Variants in ADAM18 observed in about 807,000 individuals in gnomAD.
ADAM18 encodes the protein ADAM metallopeptidase domain 18.
A neutral mutation model predicts 94.4 loss-of-function variants in ADAM18; 117 were observed. That is an observed-to-expected ratio of 1.24 (90% CI 1.07 to 1.45). The LOEUF (loss-of-function observed/expected upper bound fraction) is 1.45. Among genes scored for constraint, ADAM18 ranks in the 40% most tolerant of loss-of-function variants. The probability of loss-of-function intolerance (pLI) is 0.00; values close to 1 mark genes in which losing one functional copy is unlikely to be tolerated. For synonymous variants in ADAM18, 327 were observed against 291.6 expected (o/e 1.12, Z -1.24); for missense variants, 936 against 880.0 (o/e 1.06, Z -0.81).
At position 39,680,208 on chromosome 8, in the gene ADAM18, C is replaced by T; in HGVS notation, c.1803C>T (p.Thr601=). The change falls in exon 16 of 20, where the codon ACC becomes ACT. Residue 601 remains threonine, a synonymous_variant. Coordinates refer to ENST00000265707, the MANE Select transcript of ADAM18 (RefSeq NM_014237.3). The stretch of plus-strand genomic sequence containing the variant: ...ACAATGCCTATGTGGCTGATGGCAC[C>T]ATGTGTGGTCCAGAAATGGTAACAA... ...GTDNAYVADG[T]MCGPEMYCVN... 2 of 1,611,896 alleles carry T rather than the reference C, an allele frequency of 1.2e-6. No individual in the cohort carries two copies. Among genetic ancestry groups the T allele is most frequent in the African/African-American group, 1.3e-5 (1 of 74,888 alleles).
intron 19 of ADAM18, 147 bp downstream of exon 19, chr8:39,724,054 C>A: frequency 1.6e-6 from 1 of 618,694 alleles, no homozygotes; most frequent in South Asian, 5.6e-5. Flanking sequence ...TTTTGTGTTT[C>A]AATAATTTGT....
intron 12 of ADAM18, among the ~76,000 whole-genome samples, chr8:39,657,448 A>C (rs1276513359): frequency 3.9e-5 from 6 of 152,102 alleles, no homozygotes. Flanking sequence ...AGTAGCCAGG[A>C]TTACAGGTGC....
rs1320774255 is a variant in ADAM18 at position 39,668,201 on chromosome 8, T to C, written c.1525+5T>C. On this transcript the variant is annotated splice_donor_5th_base_variant and intron_variant, in intron 14 of 19. Coordinates refer to ENST00000265707, the MANE Select transcript of ADAM18 (RefSeq NM_014237.3). ...GTGCCAAGATATTTGGAAAAGGTAT[T>C]GCTCTTTCTTTCGTATTTATTTTAC... 1.2e-6 allele frequency: 2 copies of C among 1,613,368 alleles called. No individual in the cohort carries two copies. The highest frequency in any genetic ancestry group is 1.7e-6 in the Non-Finnish European group (2 of 1,179,454).
rs1823028928 is a variant in ADAM18, at chr8:39,730,022, G to A, written c.*82G>A. Reference sequence around the variant, plus strand: ...AACCTTACGTTATCCCCAATGCATTGTAAATGTCAAACTTTTGGAAAATAA... The same window carrying A: ...AACCTTACGTTATCCCCAATGCATTATAAATGTCAAACTTTTGGAAAATAA... On this transcript the variant is annotated 3_prime_UTR_variant, in exon 20 of 20. Transcript: ENST00000265707. The A allele has an allele frequency of 7.1e-7, 1 of 1,407,116 alleles. No individual in the cohort carries two copies. Among genetic ancestry groups the A allele is most frequent in the African/African-American group, 1.4e-5 (1 of 70,244 alleles). The allele number at this position is 1,407,116 out of a possible 1,614,324, so 87.2% of individuals were successfully genotyped here.
At chr8:39,703,958 T>C (rs1245654491) in intron 17 of ADAM18, among the ~76,000 whole-genome samples, 1 of 151,602 alleles carries the variant, frequency 6.6e-6, no homozygotes, top group Non-Finnish European at 1.5e-5. Context: ...AACTAGAAAA[T>C]TAGAAGAAAT....
intron 14 of ADAM18, among the ~76,000 whole-genome samples, 197 bp from the exon 15 acceptor site, chr8:39,677,234 A>G (rs1243155145): frequency 6.6e-6 from 1 of 152,216 alleles, no homozygotes; most frequent in Non-Finnish European, 1.5e-5. Context: ...ACTTATTGCA[A>G]TAGATATAAT....
intron 18 of ADAM18, among the ~76,000 whole-genome samples, chr8:39,722,204 T>G (rs1822771291): frequency 1.3e-5 from 1 of 74,594 alleles, no homozygotes; most frequent in Non-Finnish European, 2.3e-5. Flanking sequence ...TGTGTGTGTG[T>G]GTGTGTGTGT....
chr8:39,614,411 C>T (rs1202131523), intron 6 of ADAM18, among the ~76,000 whole-genome samples: 1 of 152,146 alleles, frequency 6.6e-6, no homozygotes, highest in Admixed American at 6.5e-5. Flanking sequence ...CCTTTTCAGA[C>T]AAGCAAATGC....
At chr8:39,631,349 A>G (rs1312668240) in intron 7 of ADAM18, among the ~76,000 whole-genome samples, 2 of 151,910 alleles carry the variant, frequency 1.3e-5, no homozygotes, top group Non-Finnish European at 2.9e-5. Context: ...GTTTTATGGT[A>G]TATTTTTAAT....
chr8:39,724,691 T>C (rs1822851771), intron 19 of ADAM18, among the ~76,000 whole-genome samples: 1 of 151,912 alleles, frequency 6.6e-6, no homozygotes, highest in South Asian at 2.1e-4. Flanking sequence ...GATACAGGCA[T>C]TTAAATCCGT....
intron 12 of ADAM18, 114 bp from the exon 13 acceptor site, chr8:39,663,676 AATTAT>A: frequency 1.6e-6 from 1 of 607,990 alleles, no homozygotes; most frequent in Non-Finnish European, 2.8e-6. Context: ...GGAATTATAC[AATTAT>A]ATTGTATAAC....
At chr8:39,729,765 CTT>C (rs1003500800) in intron 19 of ADAM18, 131 bp from the exon 20 acceptor site, 5 of 671,986 alleles carry the variant, frequency 7.4e-6, no homozygotes, top group Admixed American at 5.7e-5. Context: ...GATAACCAAA[CTT>C]ATCTATAATA....
chr8:39,680,361 T>C, intron 16 of ADAM18, 135 bp downstream of exon 16: 1 of 868,218 alleles, frequency 1.2e-6, no homozygotes, highest in Non-Finnish European at 1.7e-6. Context: ...ATGTGATATT[T>C]AAATGATAAT....
Position 39,729,983 on chromosome 8 carries a change from T to A in ADAM18, c.*43T>A. ...ATAGCAAATAACCTAAAGGAACGAA[T>A]GTGCTTTATTTATAACCTTACGTTA... On this transcript the variant is annotated 3_prime_UTR_variant, in exon 20 of 20. Coordinates refer to ENST00000265707, the MANE Select transcript of ADAM18 (RefSeq NM_014237.3). 1 of 1,573,142 alleles carries A rather than the reference T, an allele frequency of 6.4e-7. No homozygotes were observed.
At position 39,588,228 on chromosome 8, in the gene ADAM18, GT is replaced by G. The variant is rs770258606; in HGVS notation, c.132+2893del. Among the ~76,000 whole-genome samples the G allele has an allele frequency of 8.3e-3, 1,098 of 131,612 alleles. 6 individuals are homozygous for G. Among genetic ancestry groups the G allele is most frequent in the Non-Finnish European group, 0.013 (780 of 61,666 alleles). The allele number at this position is 131,612 out of a possible 152,430, so 86.3% of individuals were successfully genotyped here. A position where few individuals can be genotyped will look rare whatever the true frequency, so the allele number is the denominator to read the frequency against. ...CTTTTGCTTTTGTTTGTGGGTGTGGGTTTTTTTTTTTTTTTTTAACAAAACC... is the reference window on the plus strand; with the variant it reads ...CTTTTGCTTTTGTTTGTGGGTGTGGGTTTTTTTTTTTTTTTTAACAAAACC... On this transcript the variant is annotated intron_variant, in intron 2 of 19. Coordinates refer to ENST00000265707, the MANE Select transcript of ADAM18 (RefSeq NM_014237.3).
At chr8:39,652,018 A>T (rs1198076766) in intron 12 of ADAM18, among the ~76,000 whole-genome samples, 1 of 152,032 alleles carries the variant, frequency 6.6e-6, no homozygotes, top group Non-Finnish European at 1.5e-5. Context: ...ACAAAATTAG[A>T]CTCTTGTCTC....
intron 2 of ADAM18, among the ~76,000 whole-genome samples, chr8:39,604,313 T>C (rs1818998635): frequency 6.6e-6 from 1 of 152,212 alleles, no homozygotes; most frequent in East Asian, 1.9e-4. Context: ...ATAGAACTAG[T>C]TTTTTGTTAC....
intron 10 of ADAM18, among the ~76,000 whole-genome samples, chr8:39,644,781 T>C (rs1047183171): frequency 2.0e-5 from 3 of 152,220 alleles, no homozygotes; most frequent in African/African-American, 7.2e-5. Flanking sequence ...CTAACTACCT[T>C]ACTTAACTAC....
At chr8:39,587,181 C>T (rs1010323216) in intron 2 of ADAM18, among the ~76,000 whole-genome samples, 2 of 152,194 alleles carry the variant, frequency 1.3e-5, no homozygotes, top group Non-Finnish European at 2.9e-5. Flanking sequence ...ACATATCCAT[C>T]ACCTCCAAAA....
Sources: gnomAD v4.1 joint callset for allele counts (sites outside exome capture counted in the v4.1 genomes callset) on GRCh38, gnomAD v4.1.1 for gene constraint, MANE v1.5 for transcripts, NCBI Gene and HGNC (gene_info 2026-07-23, HGNC 2026-07-21) for gene names.